CHN2: variants seen among roughly 807,000 people sequenced by gnomAD.
The protein encoded by CHN2 is chimerin 2, also known as beta-chimaerin.
A neutral mutation model predicts 56.3 loss-of-function variants in CHN2; 35 were observed. That is an observed-to-expected ratio of 0.62 (90% CI 0.47 to 0.82). The LOEUF (loss-of-function observed/expected upper bound fraction) is 0.82. CHN2 is among the 40% of genes least tolerant of loss of function. CHN2 has a pLI of 0.00. For missense variants in CHN2, 491 were observed against 580.5 expected (o/e 0.85, Z 1.58); for synonymous variants, 210 against 212.8 (o/e 0.99, Z 0.12).
At chr7:29,478,787 G>A (rs968949407) in intron 6 of CHN2, among the ~76,000 whole-genome samples, 2 of 152,156 alleles carry the variant, frequency 1.3e-5, no homozygotes, top group Non-Finnish European at 2.9e-5. Flanking sequence ...CTGACACAGC[G>A]TAAATTATTG....
At chr7:29,491,994 A>G (rs1038258949) in intron 7 of CHN2, among the ~76,000 whole-genome samples, 1 of 152,170 alleles carries the variant, frequency 6.6e-6, no homozygotes, top group Admixed American at 6.5e-5. Context: ...TGCTTCTGGA[A>G]ATCCTTCCTC....
At chr7:29,149,942 C>T (rs1793361761) in intron 2 of CHN2, among the ~76,000 whole-genome samples, 1 of 152,318 alleles carries the variant, frequency 6.6e-6, no homozygotes, top group South Asian at 2.1e-4. Context: ...TCTATGAAGA[C>T]TCATTTTCAA....
At chr7:29,281,566 A>T (rs886619888) in intron 1 of CHN2, among the ~76,000 whole-genome samples, 20 of 152,326 alleles carry the variant, frequency 1.3e-4, no homozygotes, top group African/African-American at 4.6e-4. Flanking sequence ...AGTGGCTCCA[A>T]GTTCCCCTCC....
intron 1 of CHN2, chr7:29,195,298 C>T (rs1008756797): frequency 1.2e-5 from 4 of 333,474 alleles, no homozygotes; most frequent in Non-Finnish European, 2.2e-5. Flanking sequence ...CACTTTCTGG[C>T]GCAGCTGGAG....
intron 1 of CHN2, among the ~76,000 whole-genome samples, chr7:29,292,205 G>C (rs1792691954): frequency 6.6e-6 from 1 of 152,164 alleles, no homozygotes; most frequent in Non-Finnish European, 1.5e-5. Context: ...GTGTTGAACA[G>C]AGATGCATGT....
At chr7:29,246,696 A>T (rs1002409250) in intron 1 of CHN2, among the ~76,000 whole-genome samples, 5 of 152,316 alleles carry the variant, frequency 3.3e-5, no homozygotes, top group Non-Finnish European at 7.3e-5. Context: ...ACAGAAATTT[A>T]CTTCTCACAG....
At chr7:29,503,648 G>A (rs181003289) in intron 9 of CHN2, among the ~76,000 whole-genome samples, 127 of 152,282 alleles carry the variant, frequency 8.3e-4, no homozygotes, top group African/African-American at 2.7e-3. Context: ...AAGTATTCGT[G>A]ATTTACGCCA....
In CHN2 at chr7:29,398,478, G is replaced by C. The variant is rs766093403; in HGVS notation, c.282G>C (p.Leu94=). Residue 94 remains leucine, a synonymous_variant, in exon 5 of 13, where the codon CTG becomes CTC. Transcript: ENST00000222792. The part of the protein sequence containing the change: ...ESQRQPGCYT[L]ALRFGNQTLN... The stretch of plus-strand genomic sequence containing the variant: ...AGCGGCAACCAGGATGCTACACGCT[G>C]GCTCTCAGGTGAGGCGCATTTCATT... 1 of 1,608,454 alleles carries C rather than the reference G, an allele frequency of 6.2e-7. No individual in the cohort carries two copies. Among genetic ancestry groups the C allele is most frequent in the Non-Finnish European group, 8.5e-7 (1 of 1,175,666 alleles).
intron 1 of CHN2, among the ~76,000 whole-genome samples, chr7:29,348,910 T>A (rs1797675553): frequency 6.6e-6 from 1 of 152,204 alleles, no homozygotes. Flanking sequence ...CAAGCCTTAA[T>A]AATTGGGTTT....
chr7:29,290,994 T>C (rs1167053746), intron 1 of CHN2, among the ~76,000 whole-genome samples: 2 of 152,192 alleles, frequency 1.3e-5, no homozygotes, highest in Admixed American at 1.3e-4. Context: ...TTCCGAGGGT[T>C]GCATCTCTTC....
At chr7:29,481,628 A>G (rs1446890059) in intron 7 of CHN2, among the ~76,000 whole-genome samples, 1 of 148,590 alleles carries the variant, frequency 6.7e-6, no homozygotes, top group Non-Finnish European at 1.5e-5. Context: ...GAATATTGAC[A>G]GGTCTAATTT....
At chr7:29,507,514 G>GCATA in intron 11 of CHN2, 149 bp downstream of exon 11, 1 of 648,556 alleles carries the variant, frequency 1.5e-6, no homozygotes, top group Non-Finnish European at 2.6e-6. Context: ...AGCTGACCAG[G>GCATA]CATAGTTCAA....
intron 2 of CHN2, among the ~76,000 whole-genome samples, chr7:29,157,476 A>G (rs1314082226): frequency 6.6e-6 from 1 of 152,244 alleles, no homozygotes; most frequent in East Asian, 1.9e-4. Context: ...AGCTTCGCAC[A>G]GTGGCTTATT....
intron 2 of CHN2, among the ~76,000 whole-genome samples, chr7:29,185,976 C>T (rs1332481207): frequency 6.6e-6 from 1 of 152,130 alleles, no homozygotes; most frequent in East Asian, 1.9e-4. Flanking sequence ...TCCTTCAGTT[C>T]CCCAGAGGTG....
At chr7:29,410,953 C>A (rs890955818) in intron 6 of CHN2, among the ~76,000 whole-genome samples, 1 of 152,192 alleles carries the variant, frequency 6.6e-6, no homozygotes, top group Admixed American at 6.5e-5. Flanking sequence ...ACTCCCTAGC[C>A]ACATTAAAAA....
intron 1 of CHN2, among the ~76,000 whole-genome samples, chr7:29,339,903 C>T (rs770611871): frequency 4.0e-4 from 60 of 151,788 alleles, no homozygotes; most frequent in Admixed American, 9.2e-4. Context: ...AATATATATG[C>T]CAATATAGCA....
intron 6 of CHN2, among the ~76,000 whole-genome samples, chr7:29,407,379 G>C (rs1802751956): frequency 6.6e-6 from 1 of 151,974 alleles, no homozygotes; most frequent in African/African-American, 2.4e-5. Context: ...ATTCAGGACA[G>C]TAGATTCAAA....
chr7:29,257,706 C>T (rs146440402), intron 1 of CHN2, among the ~76,000 whole-genome samples: 6 of 152,336 alleles, frequency 3.9e-5, no homozygotes, highest in South Asian at 2.1e-4. Context: ...TCCTGCTACT[C>T]GGCCTGGCGA....
intron 2 of CHN2, among the ~76,000 whole-genome samples, chr7:29,162,033 G>A (rs756145434): frequency 1.3e-5 from 2 of 152,160 alleles, no homozygotes; most frequent in Non-Finnish European, 2.9e-5. Flanking sequence ...CCAAACACTG[G>A]CATGGATGCA....
Sources: allele counts gnomAD v4.1 joint callset (sites outside exome capture counted in the v4.1 genomes callset), GRCh38; gene constraint gnomAD v4.1.1; transcripts MANE v1.5; gene names NCBI Gene and HGNC (gene_info 2026-07-23, HGNC 2026-07-21).